GATAD2A: variants seen among roughly 807,000 people sequenced by gnomAD.
GATAD2A encodes the protein GATA zinc finger domain containing 2A, also known as transcriptional repressor p66-alpha.
GATAD2A carries 12 observed loss-of-function variants against 68.5 expected under a neutral mutation model. The ratio of observed to expected loss-of-function variants is 0.18; its 90% CI spans 0.11 to 0.28. GATAD2A has a LOEUF of 0.28. Among genes scored for constraint, GATAD2A ranks in the 10% least tolerant of loss-of-function variants. The pLI is 1.00. For synonymous variants in GATAD2A, 410 were observed against 375.3 expected, an observed-to-expected ratio of 1.09 and a Z score of -1.07; for missense variants, 755 against 868.5, an observed-to-expected ratio of 0.87 and a Z score of 1.64.
intron 2 of GATAD2A, among the ~76,000 whole-genome samples, chr19:19,469,153 T>C (rs958484834): frequency 9.9e-5 from 15 of 152,278 alleles, no homozygotes; most frequent in African/African-American, 3.4e-4. Context: ...AAATCAGGGC[T>C]GGGCACAGTG....
intron 2 of GATAD2A, among the ~76,000 whole-genome samples, chr19:19,475,488 C>CT (rs948212785): frequency 1.3e-3 from 57 of 42,796 alleles, no homozygotes; most frequent in Non-Finnish European, 1.9e-3. Flanking sequence ...TGGAGCCCCC[C>CT]CCCCTCCACT....
chr19:19,495,643 AAAAAAAAAAAAACTAGT>A, intron 5 of GATAD2A, 94 bp from the exon 6 acceptor site: 1 of 1,001,258 alleles, frequency 1.0e-6, no homozygotes, highest in African/African-American at 1.7e-5. Context: ...TTAAAAAAAA[AAAAAAAAAAAAACTAGT>A]ATGTACTTTC....
chr19:19,415,617 TA>T (rs967223142), intron 1 of GATAD2A, among the ~76,000 whole-genome samples: 25 of 123,942 alleles, frequency 2.0e-4, no homozygotes, highest in Admixed American at 5.8e-4. Context: ...GCCGGGCTAA[TA>T]TTTTTTTTTT....
intron 1 of GATAD2A, among the ~76,000 whole-genome samples, chr19:19,410,931 C>T (rs566088017): frequency 6.6e-6 from 1 of 152,328 alleles, no homozygotes; most frequent in East Asian, 1.9e-4. Context: ...TGATCGACCC[C>T]AGTGCCTGTG....
At chr19:19,499,361 C>T (rs1298631010) in intron 8 of GATAD2A, among the ~76,000 whole-genome samples, 1 of 152,118 alleles carries the variant, frequency 6.6e-6, no homozygotes, top group Non-Finnish European at 1.5e-5. Context: ...TGGGGTGACA[C>T]GAGTAGGCCA....
In GATAD2A at chr19:19,415,907, C is replaced by T. The variant is rs114239069; in HGVS notation, c.-7+9888C>T. Among the ~76,000 whole-genome samples the T allele has an allele frequency of 6.0e-3, 913 of 152,144 alleles. 7 individuals carry two copies. The highest frequency in any genetic ancestry group is 0.021 in the African/African-American group (871 of 41,482). On this transcript the variant is annotated intron_variant, in intron 1 of 11. Coordinates refer to ENST00000683918, the MANE Select transcript of GATAD2A (RefSeq NM_001384528.1). The stretch of plus-strand genomic sequence containing the variant: ...TTGGAATTGCAGGCATGAGCCACCA[C>T]GCCCGGCCGACTTTACATTTTAAGA...
intron 1 of GATAD2A, among the ~76,000 whole-genome samples, chr19:19,426,025 C>A (rs2147340770): frequency 6.6e-6 from 1 of 152,208 alleles, no homozygotes. Flanking sequence ...TAAGCTCACG[C>A]AATCCATCCA....
At chr19:19,472,435 G>A (rs1304756209) in intron 2 of GATAD2A, 3 of 152,010 alleles carry the variant, frequency 2.0e-5, no homozygotes, top group African/African-American at 7.3e-5. Context: ...TCAGGTTCAA[G>A]TGTTTCTCCT....
intron 2 of GATAD2A, among the ~76,000 whole-genome samples, chr19:19,475,471 G>A (rs997347606): frequency 1.2e-4 from 9 of 75,704 alleles, no homozygotes; most frequent in Middle Eastern, 5.4e-3. Context: ...CTCTGTGGGC[G>A]GCTCTCTGGA....
chr19:19,435,135 C>T (rs758746736), intron 1 of GATAD2A: 2 of 532,460 alleles, frequency 3.8e-6, no homozygotes, highest in Admixed American at 3.9e-5. Flanking sequence ...GATCCAGGAA[C>T]CTGCCTCTAC....
intron 1 of GATAD2A, chr19:19,436,366 CTG>C (rs1377072747): frequency 2.4e-6 from 1 of 412,326 alleles, no homozygotes; most frequent in African/African-American, 2.1e-5. Context: ...GGATCGCACA[CTG>C]TGCAGTCTGT....
intron 1 of GATAD2A, among the ~76,000 whole-genome samples, chr19:19,399,602 C>T (rs897625272): frequency 2.0e-5 from 3 of 152,148 alleles, no homozygotes; most frequent in African/African-American, 7.2e-5. Context: ...ATATCTTAGT[C>T]TTCCCAAAAC....
rs1265168202 is a variant in GATAD2A, at chr19:19,504,655, TTTC to T, written c.1775-683_1775-681del. Reference sequence around the variant, plus strand: ...TTTTTTTTTCCTTTTTTTTTTTTTTTTTCTTCTTTTGGAGAAGCTTCTTGCTAT... The same window carrying T: ...TTTTTTTTTCCTTTTTTTTTTTTTTTTTCTTTTGGAGAAGCTTCTTGCTAT... On this transcript the variant is annotated intron_variant, in intron 11 of 11. Coordinates refer to ENST00000683918, the MANE Select transcript of GATAD2A (RefSeq NM_001384528.1). Among the ~76,000 whole-genome samples the T allele has an allele frequency of 1.2e-4, 18 of 150,744 alleles. No individual in the cohort carries two copies. The East Asian group carries it at 2.3e-3, about 19-fold the overall frequency.
intron 1 of GATAD2A, among the ~76,000 whole-genome samples, chr19:19,420,723 C>T (rs1469149593): frequency 1.3e-5 from 2 of 151,876 alleles, no homozygotes; most frequent in African/African-American, 4.8e-5. Flanking sequence ...GTGCTGATAA[C>T]AGTGTGGGTT....
intron 1 of GATAD2A, among the ~76,000 whole-genome samples, chr19:19,433,380 A>G (rs759935422): frequency 4.6e-5 from 7 of 152,032 alleles, no homozygotes; most frequent in Non-Finnish European, 8.8e-5. Flanking sequence ...AAGTCCTCCA[A>G]ATTTGTGCCT....
intron 2 of GATAD2A, among the ~76,000 whole-genome samples, chr19:19,487,209 C>A (rs1177213231): frequency 6.6e-6 from 1 of 152,206 alleles, no homozygotes; most frequent in Non-Finnish European, 1.5e-5. Context: ...GGGCTGGATA[C>A]CCCCTTGCCC....
chr19:19,440,144 T>C (rs1368222817), intron 1 of GATAD2A: 2 of 416,132 alleles, frequency 4.8e-6, no homozygotes, highest in African/African-American at 2.2e-5. Flanking sequence ...ATGGGATTTC[T>C]AGTTGAAATG....
chr19:19,495,569 A>T (rs2060087464), intron 5 of GATAD2A, among the ~76,000 whole-genome samples, 185 bp from the exon 6 acceptor site: 1 of 149,744 alleles, frequency 6.7e-6, no homozygotes, highest in Admixed American at 6.7e-5. Context: ...GGCCTCACAA[A>T]GTGCTGGGAT....
chr19:19,402,004 A>C (rs1189357878), upstream of GATAD2A: 1 of 152,182 alleles, frequency 6.6e-6, no homozygotes, highest in Non-Finnish European at 1.5e-5. Context: ...AGCTATTATT[A>C]GTGGGGTTTG....
Sources: allele counts gnomAD v4.1 joint callset (sites outside exome capture counted in the v4.1 genomes callset), GRCh38; gene constraint gnomAD v4.1.1; transcripts MANE v1.5; gene names NCBI Gene and HGNC (gene_info 2026-07-23, HGNC 2026-07-21).